Variants in NBEAL1 observed in about 807,000 individuals in gnomAD.
The protein encoded by NBEAL1 is neurobeachin like 1.
Under a neutral mutation model 351.3 loss-of-function variants are expected in NBEAL1, and 273 were observed. The ratio of observed to expected loss-of-function variants is 0.78; its 90% confidence interval spans 0.70 to 0.86. The LOEUF is 0.86. Among genes scored for constraint, NBEAL1 ranks in the 40% least tolerant of loss-of-function variants. NBEAL1 has a pLI of 0.00. For synonymous variants in NBEAL1, 1,050 were observed against 1,086.4 expected (o/e 0.97, Z 0.66); for missense variants, 2,961 against 3,201.3 (o/e 0.92, Z 1.81).
In NBEAL1 at chr2:203,136,758, G is replaced by C. The variant is rs746717904; in HGVS notation, c.4549G>C (p.Asp1517His). 26 of 1,612,654 alleles carry C rather than the reference G, an allele frequency of 1.6e-5. 1 individual carries two copies. The South Asian group carries it at 2.5e-4, about 16-fold the overall frequency. Residue 1517 changes from aspartate (D) to histidine (H), a missense_variant, in exon 29 of 56, where the codon GAT becomes CAT. Physicochemically the swap from Asp to His is moderately conservative, Grantham distance 81. Coordinates refer to ENST00000683969, the MANE Select transcript of NBEAL1 (RefSeq NM_001378026.1). ...GISSELLRPS[D>H]EIKLTLLQKM... ...ATCCAGTGAACTACTTCGACCATCAGATGAAATAAAACTAACGTAAGCATT... is the reference window on the plus strand; with the variant it reads ...ATCCAGTGAACTACTTCGACCATCACATGAAATAAAACTAACGTAAGCATT...
In NBEAL1 at chr2:203,145,086, G is replaced by T; in HGVS notation, c.5230G>T (p.Asp1744Tyr). The T allele has an allele frequency of 6.2e-7, 1 of 1,613,446 alleles. No individual in the cohort carries two copies. Among genetic ancestry groups the T allele is most frequent in the Non-Finnish European group, 8.5e-7 (1 of 1,179,744 alleles). Residue 1744 changes from aspartate to tyrosine, a missense_variant, in exon 33 of 56, where the codon GAT becomes TAT. Asp to Tyr is a radical substitution (Grantham distance 160). Coordinates refer to ENST00000683969, the MANE Select transcript of NBEAL1 (RefSeq NM_001378026.1). Reference sequence around the variant, plus strand: ...TGAGAACATGGCACTTTATTGGAAGGATTGTTATGAAGCTTTAATGGTAAA... The same window carrying T: ...TGAGAACATGGCACTTTATTGGAAGTATTGTTATGAAGCTTTAATGGTAAA... ...GHENMALYWK[D>Y]CYEALMVNMH... is the part of the protein sequence containing the mutation.
chr2:203,151,921 A>G (rs2063663755), intron 35 of NBEAL1, among the ~76,000 whole-genome samples: 1 of 152,052 alleles, frequency 6.6e-6, no homozygotes, highest in Non-Finnish European at 1.5e-5. Flanking sequence ...GGCTAATACT[A>G]ATGTTAGATA....
intron 15 of NBEAL1, 94 bp downstream of exon 15, chr2:203,110,376 A>G (rs2062539533): frequency 7.2e-7 from 1 of 1,396,988 alleles, no homozygotes. Context: ...TTTTTGCTAA[A>G]AAATTTAAAT....
chr2:203,125,160 G>C (rs936636718), intron 19 of NBEAL1, among the ~76,000 whole-genome samples, 192 bp from the exon 20 acceptor site: 1 of 152,120 alleles, frequency 6.6e-6, no homozygotes, highest in Non-Finnish European at 1.5e-5. Flanking sequence ...GATCTCTCTT[G>C]AGTTTTGATT....
rs561117942 is a variant in NBEAL1 at position 203,214,985 on chromosome 2, T to G, written c.8070+1332T>G. On this transcript the variant is annotated intron_variant, in intron 55 of 55. Transcript: ENST00000683969. ...CAGAAAATACATCTGCAAATGTATT[T>G]GGCAAAAGAAGCATGCCAAAGCCTC... Among the ~76,000 whole-genome samples, 82 of 152,342 alleles carry G rather than the reference T, an allele frequency of 5.4e-4. 1 individual carries two copies. Among genetic ancestry groups the G allele is most frequent in the South Asian group, 3.7e-3 (18 of 4,828 alleles).
Position 203,168,893 on chromosome 2 carries a change from C to CAAAAAAAAAAAAAAA in NBEAL1, c.5998-848_5998-834dup. On this transcript the variant is annotated intron_variant, in intron 38 of 55. Transcript: ENST00000683969. Reference sequence around the variant, plus strand: ...TGGGTGACAGAGCGAGACTCCATCTCAAAAAAAAAAAAAAAAAAAAGGCAA... The same window carrying CAAAAAAAAAAAAAAA: ...TGGGTGACAGAGCGAGACTCCATCTCAAAAAAAAAAAAAAAAAAAAAAAAAAAAAAAAAAAGGCAA... 2.1e-5 allele frequency among the ~76,000 whole-genome samples: 2 copies of CAAAAAAAAAAAAAAA among 97,286 alleles called. 1 individual carries two copies. The highest frequency in any genetic ancestry group is 3.7e-5 in the Non-Finnish European group (2 of 53,982). The allele number at this position is 97,286 out of a possible 152,430, so 63.8% of individuals were successfully genotyped here.
In NBEAL1 at chr2:203,099,710, A is replaced by G. The variant is rs984695890; in HGVS notation, c.1267A>G (p.Lys423Glu). 1.9e-6 allele frequency: 3 copies of G among 1,538,716 alleles called. No individual in the cohort carries two copies. Among genetic ancestry groups the G allele is most frequent in the Admixed American group, 4.1e-5 (2 of 49,304 alleles). ...AGTAATGAACAAATCTCCAGCTGCT[A>G]AGGTGAAACATATATCCTCCAGCTT... ...TAVMNKSPAA[K>E]EVFKERIGYT... Residue 423 changes from lysine (K) to glutamate (E), a missense_variant and splice_region_variant, in exon 12 of 56, where the codon AAG becomes GAG. Physicochemically the swap from Lys to Glu is moderately conservative, Grantham distance 56. Coordinates refer to ENST00000683969, the MANE Select transcript of NBEAL1 (RefSeq NM_001378026.1).
Position 203,047,484 on chromosome 2 carries a change from C to T in NBEAL1, c.144-2330C>T, listed in dbSNP as rs542312509. Among the ~76,000 whole-genome samples, 5 of 152,194 alleles carry T rather than the reference C, an allele frequency of 3.3e-5. No homozygotes were observed. The East Asian group carries it at 7.7e-4, about 24-fold the overall frequency. On this transcript the variant is annotated intron_variant, in intron 3 of 55. Coordinates refer to ENST00000683969, the MANE Select transcript of NBEAL1 (RefSeq NM_001378026.1). ...GATGTTGGCCCCTTCAGTTGTGTTT[C>T]TACTGTCCTTCTCCTTAGGTCAATG...
intron 27 of NBEAL1, among the ~76,000 whole-genome samples, chr2:203,134,888 T>G (rs1044851772): frequency 6.6e-6 from 1 of 152,076 alleles, no homozygotes; most frequent in Non-Finnish European, 1.5e-5. Flanking sequence ...AACAAAAAAG[T>G]TTTTGCAAAA....
At position 203,175,233 on chromosome 2, in the gene NBEAL1, ATC is replaced by A. The variant is rs769998450; in HGVS notation, c.6413_6414del (p.Leu2138HisfsTer19). 1 of 1,614,046 alleles carries A rather than the reference ATC, an allele frequency of 6.2e-7. No individual in the cohort carries two copies. Among genetic ancestry groups the A allele is most frequent in the South Asian group, 1.1e-5 (1 of 91,054 alleles). ...TCAAATTCTGCGGGGGTCATGCACTATCTCATTCGTGTAGAACCGTTCACCAC... is the reference window on the plus strand; with the variant it reads ...TCAAATTCTGCGGGGGTCATGCACTATCATTCGTGTAGAACCGTTCACCAC... On this transcript the variant is annotated frameshift_variant, in exon 42 of 56. Transcript: ENST00000683969. LOFTEE classifies it high-confidence loss of function.
At chr2:203,210,900 G>A in intron 53 of NBEAL1, 58 bp from the exon 54 acceptor site, 2 of 1,036,718 alleles carry the variant, frequency 1.9e-6, no homozygotes, top group South Asian at 4.0e-5. Flanking sequence ...GTTTTAACTG[G>A]TTATATAAAA....
At chr2:203,040,174 T>A in intron 2 of NBEAL1, 1 of 1,520,130 alleles carries the variant, frequency 6.6e-7, no homozygotes, top group Non-Finnish European at 9.0e-7. Flanking sequence ...GAGGAAGGCT[T>A]ATCAAGCCCT....
At chr2:203,089,231 C>A (rs967784841) in intron 10 of NBEAL1, among the ~76,000 whole-genome samples, 3 of 151,894 alleles carry the variant, frequency 2.0e-5, no homozygotes, top group African/African-American at 7.3e-5. Context: ...TAGTGGCATG[C>A]TCCTATAATC....
At chr2:203,199,239 C>A in intron 48 of NBEAL1, 99 bp from the exon 49 acceptor site, 2 of 672,838 alleles carry the variant, frequency 3.0e-6, no homozygotes, top group East Asian at 2.6e-5. Context: ...CACAGTGTTC[C>A]CTAAGTGATA....
intron 10 of NBEAL1, among the ~76,000 whole-genome samples, chr2:203,089,590 C>T (rs186620909): frequency 2.0e-5 from 3 of 152,014 alleles, no homozygotes; most frequent in Admixed American, 6.6e-5. Flanking sequence ...TAACTAGAGG[C>T]GGGTAGCATT....
At chr2:203,093,127 G>A (rs2062099682) in intron 10 of NBEAL1, among the ~76,000 whole-genome samples, 1 of 151,616 alleles carries the variant, frequency 6.6e-6, no homozygotes, top group African/African-American at 2.4e-5. Flanking sequence ...AGCTACTGGG[G>A]AGGCTGAGGC....
At chr2:203,206,614 T>C (rs935255203) in intron 51 of NBEAL1, among the ~76,000 whole-genome samples, 2 of 150,724 alleles carry the variant, frequency 1.3e-5, no homozygotes, top group Non-Finnish European at 3.0e-5. Flanking sequence ...GAACACGGGG[T>C]TTCGCTGTGT....
chr2:203,064,786 G>A (rs1197577244), intron 6 of NBEAL1, among the ~76,000 whole-genome samples: 1 of 152,202 alleles, frequency 6.6e-6, no homozygotes, highest in African/African-American at 2.4e-5. Flanking sequence ...TACAAAGGAT[G>A]TTAGTGGGTG....
rs146224932 is a variant in NBEAL1, at chr2:203,025,251, C to T, written c.51+8816C>T. On this transcript the variant is annotated intron_variant, in intron 2 of 55. Transcript: ENST00000683969. ...GCAATCCAAATGTGACCTTTGAAATCGAGTAGCAATACTAGTCGCGAGGTA... is the reference window on the plus strand; with the variant it reads ...GCAATCCAAATGTGACCTTTGAAATTGAGTAGCAATACTAGTCGCGAGGTA... Among the ~76,000 whole-genome samples the T allele has an allele frequency of 3.8e-3, 574 of 152,290 alleles. 1 individual carries two copies. The highest frequency in any genetic ancestry group is 7.3e-3 in the Admixed American group (112 of 15,292).
Sources: allele counts gnomAD v4.1 joint callset (sites outside exome capture counted in the v4.1 genomes callset), GRCh38; gene constraint gnomAD v4.1.1; transcripts MANE v1.5; gene names NCBI Gene and HGNC (gene_info 2026-07-23, HGNC 2026-07-21).